The following NEGR1 variants were observed in gnomAD, a reference collection of about 807,000 sequenced individuals.
NEGR1 encodes neuronal growth regulator 1, also known as IgLON family member 4.
In NEGR1, 10 loss-of-function variants were observed where a neutral mutation model predicts 40.9. The observed-to-expected ratio is 0.24, with a 90% CI of 0.15 to 0.42. The LOEUF is 0.42. NEGR1 is among the 10% of genes least tolerant of loss of function. The pLI, the probability that NEGR1 is intolerant of heterozygous loss-of-function variation, is 1.00. For missense variants in NEGR1, 352 were observed against 438.9 expected (o/e 0.80, Z 1.77); for synonymous variants, 185 against 166.8 (o/e 1.11, Z -0.84).
chr1:71,987,071 T>G (rs746669258), intron 1 of NEGR1, among the ~76,000 whole-genome samples: 1 of 149,796 alleles, frequency 6.7e-6, no homozygotes, highest in Admixed American at 6.7e-5. Flanking sequence ...AGGGAGAAAC[T>G]TTTTTTTTCT....
At chr1:71,596,225 C>T (rs1649709331) in intron 5 of NEGR1, among the ~76,000 whole-genome samples, 1 of 152,180 alleles carries the variant, frequency 6.6e-6, no homozygotes, top group African/African-American at 2.4e-5. Flanking sequence ...TCTGTGGACC[C>T]TGCTGTCCTC....
At chr1:72,007,992 A>C (rs1163762197) in intron 1 of NEGR1, among the ~76,000 whole-genome samples, 1 of 152,170 alleles carries the variant, frequency 6.6e-6, no homozygotes, top group Non-Finnish European at 1.5e-5. Flanking sequence ...ATAAAATATG[A>C]ATTTTAAAAA....
intron 2 of NEGR1, among the ~76,000 whole-genome samples, chr1:71,839,272 C>T (rs551220302): frequency 3.7e-4 from 52 of 141,262 alleles, no homozygotes; most frequent in African/African-American, 1.3e-3. Context: ...GGCATGATCT[C>T]AGCTCACTGC....
chr1:72,065,450 C>T (rs778847669), intron 1 of NEGR1, among the ~76,000 whole-genome samples: 1 of 152,110 alleles, frequency 6.6e-6, no homozygotes, highest in Non-Finnish European at 1.5e-5. Context: ...ACATTGCTAA[C>T]TGTCTGCCCA....
At chr1:71,917,579 A>C (rs957419916) in intron 2 of NEGR1, among the ~76,000 whole-genome samples, 6 of 151,636 alleles carry the variant, frequency 4.0e-5, no homozygotes, top group Non-Finnish European at 5.9e-5. Context: ...TCACGAGGTC[A>C]GCAAATCGAG....
intron 1 of NEGR1, among the ~76,000 whole-genome samples, chr1:71,946,286 G>T (rs1646018289): frequency 6.6e-6 from 1 of 151,742 alleles, no homozygotes; most frequent in Non-Finnish European, 1.5e-5. Flanking sequence ...TGTTGCCCAG[G>T]GTGGTCTCAA....
At chr1:72,159,318 A>G (rs1651471962) in intron 1 of NEGR1, among the ~76,000 whole-genome samples, 1 of 152,146 alleles carries the variant, frequency 6.6e-6, no homozygotes, top group Non-Finnish European at 1.5e-5. Context: ...AGAAAACAAT[A>G]GGCCAAACCA....
chr1:71,626,085 C>T (rs943965614), intron 4 of NEGR1, among the ~76,000 whole-genome samples: 2 of 151,924 alleles, frequency 1.3e-5, no homozygotes, highest in South Asian at 4.1e-4. Context: ...CCCACCATCC[C>T]CTCCAACCCC....
chr1:71,902,572 C>T (rs1029307325), intron 2 of NEGR1, among the ~76,000 whole-genome samples: 2 of 152,090 alleles, frequency 1.3e-5, no homozygotes, highest in Admixed American at 6.6e-5. Context: ...AGGACTTCGG[C>T]GCCATTTAGT....
At chr1:71,739,516 A>T (rs1030707755) in intron 3 of NEGR1, among the ~76,000 whole-genome samples, 9 of 151,116 alleles carry the variant, frequency 6.0e-5, no homozygotes, top group Non-Finnish European at 1.2e-4. Flanking sequence ...AAAACAAAAC[A>T]AAAAACTAAA....
intron 3 of NEGR1, among the ~76,000 whole-genome samples, chr1:71,717,210 G>T (rs1319097118): frequency 6.6e-6 from 1 of 152,190 alleles, no homozygotes; most frequent in African/African-American, 2.4e-5. Flanking sequence ...GTCTACATAT[G>T]CTGTAGCCTA....
At chr1:72,266,866 A>G (rs1365190684) in intron 1 of NEGR1, among the ~76,000 whole-genome samples, 1 of 150,814 alleles carries the variant, frequency 6.6e-6, no homozygotes. Context: ...ATTGATGAGG[A>G]GGAAAATGTC....
intron 1 of NEGR1, among the ~76,000 whole-genome samples, chr1:72,017,907 A>G (rs943025952): frequency 6.6e-6 from 1 of 152,128 alleles, no homozygotes; most frequent in Non-Finnish European, 1.5e-5. Flanking sequence ...TATTTAAAGA[A>G]CTTACATTTT....
chr1:72,147,113 G>A (rs532393012), intron 1 of NEGR1, among the ~76,000 whole-genome samples: 2 of 152,118 alleles, frequency 1.3e-5, no homozygotes, highest in African/African-American at 2.4e-5. Context: ...TGTATGTATC[G>A]GGCATAAGTC....
In NEGR1 at chr1:72,088,796, C is replaced by CTTTT. The variant is rs71074816; in HGVS notation, c.177-153489_177-153486dup. The stretch of plus-strand genomic sequence containing the variant: ...ATGTATAATGTAGTTCTCTCTCTCT[C>CTTTT]TTTTTTTTTTTTTTTTTTTTTTTTT... On this transcript the variant is annotated intron_variant, in intron 1 of 6. Coordinates refer to ENST00000357731, the MANE Select transcript of NEGR1 (RefSeq NM_173808.3). Among the ~76,000 whole-genome samples the CTTTT allele has an allele frequency of 9.3e-5, 7 of 74,902 alleles. 1 individual carries two copies. Among genetic ancestry groups the CTTTT allele is most frequent in the Admixed American group, 3.5e-4 (2 of 5,696 alleles). The allele number at this position is 74,902 out of a possible 152,430, so 49.1% of individuals were successfully genotyped here.
At chr1:71,520,274 G>A (rs2781154) in intron 6 of NEGR1, among the ~76,000 whole-genome samples, 148,676 of 152,218 alleles carry the variant, frequency 0.98, 72,706 homozygotes, top group East Asian at 1. Flanking sequence ...TAATTGCCTA[G>A]TAAATAGTAA....
chr1:71,416,841 A>T (rs574349388), intron 6 of NEGR1, among the ~76,000 whole-genome samples: 1 of 152,176 alleles, frequency 6.6e-6, no homozygotes, highest in African/African-American at 2.4e-5. Context: ...ATGGGCTTCT[A>T]TGTCTGTATG....
At chr1:71,567,071 T>C (rs1246492922) in intron 6 of NEGR1, among the ~76,000 whole-genome samples, 1 of 152,152 alleles carries the variant, frequency 6.6e-6, no homozygotes, top group Non-Finnish European at 1.5e-5. Flanking sequence ...ATAGCAAAAG[T>C]CTAGAATAAG....
At chr1:71,474,477 G>A (rs1358468365) in intron 6 of NEGR1, among the ~76,000 whole-genome samples, 5 of 146,116 alleles carry the variant, frequency 3.4e-5, no homozygotes, top group Non-Finnish European at 7.5e-5. Flanking sequence ...AGTTCGAGAT[G>A]AGCCTGGCCA....
Sources: allele counts gnomAD v4.1 joint callset (sites outside exome capture counted in the v4.1 genomes callset), GRCh38; gene constraint gnomAD v4.1.1; transcripts MANE v1.5; gene names NCBI Gene and HGNC (gene_info 2026-07-23, HGNC 2026-07-21).